The following CKAP5 variants were observed in gnomAD, a reference collection of about 807,000 sequenced individuals.
CKAP5 encodes cytoskeleton associated protein 5.
A neutral mutation model predicts 232.8 loss-of-function variants in CKAP5; 27 were observed. That is an observed-to-expected ratio of 0.12 (90% CI 0.09 to 0.16). The LOEUF is 0.16. Ranked by LOEUF, CKAP5 falls within the 10% of genes least tolerant of loss-of-function variation. CKAP5 has a pLI of 1.00. For synonymous variants in CKAP5, 785 were observed against 841.1 expected, an observed-to-expected ratio of 0.93 and a Z score of 1.16; for missense variants, 1,838 against 2,424.7, an observed-to-expected ratio of 0.76 and a Z score of 5.08.
At chr11:46,784,442 G>GA in intron 17 of CKAP5, 46 bp downstream of exon 17, 1 of 1,477,822 alleles carries the variant, frequency 6.8e-7, no homozygotes, top group Non-Finnish European at 9.2e-7. Flanking sequence ...AAGTTTGGGG[G>GA]AAAAAATTGG....
At chr11:46,842,551 G>A (rs1940079620) in intron 1 of CKAP5, among the ~76,000 whole-genome samples, 2 of 152,196 alleles carry the variant, frequency 1.3e-5, no homozygotes, top group African/African-American at 4.8e-5. Context: ...CTTATCAAAT[G>A]TGCTGTCTCA....
Position 46,750,599 on chromosome 11 carries a change from A to G in CKAP5, c.5473T>C (p.Ser1825Pro). ...KGASRIDEKS[S>P]KAKVNDFLAE... is the part of the protein sequence containing the mutation. Reference sequence around the variant, plus strand: ...AAGAAATCATTCACTTTGGCCTTTGATGATTTTTCATCCTGAAAAGTTGAA... The same window carrying G: ...AAGAAATCATTCACTTTGGCCTTTGGTGATTTTTCATCCTGAAAAGTTGAA... The change falls in exon 41 of 44, where the codon TCA becomes CCA. Residue 1825 changes from serine (S) to proline (P), a missense_variant. Ser to Pro is a moderately conservative substitution (Grantham distance 74). This residue lies in a region of CKAP5 where 579 missense variants were observed against 843.2 expected (regional missense o/e 0.69). Transcript: ENST00000529230. 1 of 1,612,822 alleles carries G rather than the reference A, an allele frequency of 6.2e-7. No homozygotes were observed. Among genetic ancestry groups the G allele is most frequent in the Non-Finnish European group, 8.5e-7 (1 of 1,179,394 alleles).
At chr11:46,775,265 A>T (rs1406355998) in intron 24 of CKAP5, among the ~76,000 whole-genome samples, 1 of 152,232 alleles carries the variant, frequency 6.6e-6, no homozygotes, top group East Asian at 1.9e-4. Flanking sequence ...GAGAAATGCA[A>T]ATCAAAACAC....
intron 28 of CKAP5, among the ~76,000 whole-genome samples, chr11:46,764,882 A>T (rs201596491): frequency 3.4e-3 from 1 of 298 alleles, no homozygotes; most frequent in Non-Finnish European, 9.6e-3. Context: ...TTAAAAAAAA[A>T]AATCAATGAA....
intron 8 of CKAP5, among the ~76,000 whole-genome samples, chr11:46,806,352 T>G (rs1235284317): frequency 1.3e-5 from 2 of 152,226 alleles, no homozygotes; most frequent in East Asian, 3.8e-4. Context: ...AGAAAAGGTT[T>G]TCTTTGACAC....
chr11:46,838,238 A>G (rs1200668895), intron 1 of CKAP5, among the ~76,000 whole-genome samples: 1 of 152,192 alleles, frequency 6.6e-6, no homozygotes, highest in Non-Finnish European at 1.5e-5. Flanking sequence ...AATTTTTTTA[A>G]AAAATTCAGA....
intron 5 of CKAP5, among the ~76,000 whole-genome samples, chr11:46,810,132 C>T (rs987667093): frequency 4.0e-5 from 6 of 151,868 alleles, no homozygotes; most frequent in East Asian, 1.9e-4. Context: ...CTACCACATC[C>T]GGCTAATTTT....
chr11:46,765,206 T>C lies in CKAP5; in HGVS notation c.3462A>G (p.Glu1154=), dbSNP rs757777415. The change falls in exon 28 of 44, where the codon GAA becomes GAG. Residue 1154 remains glutamate (E), a synonymous_variant. Coordinates refer to ENST00000529230, the MANE Select transcript of CKAP5 (RefSeq NM_001008938.4). ...MPSKTSLKED[E]DKSGPIFIVV... is the part of the protein sequence containing the mutation. ...CAATAAAAATAGGCCCGGATTTGTC[T>C]TCATCCTCCTTTAAGCTGGTTTTGC... The C allele has an allele frequency of 3.7e-6, 6 of 1,613,242 alleles. No homozygotes were observed. The Admixed American group carries it at 1.0e-4, about 27-fold the overall frequency.
rs770998286 is a variant in CKAP5, at chr11:46,763,589, A to C, written c.3579T>G (p.Ile1193Met). 3 of 1,594,926 alleles carry C rather than the reference A, an allele frequency of 1.9e-6. No homozygotes were observed. Among genetic ancestry groups the C allele is most frequent in the Non-Finnish European group, 2.6e-6 (3 of 1,171,528 alleles). Residue 1193 changes from isoleucine to methionine, a missense_variant, in exon 29 of 44, where the codon ATT becomes ATG. Ile to Met is a conservative substitution (Grantham distance 10). Coordinates refer to ENST00000529230, the MANE Select transcript of CKAP5 (RefSeq NM_001008938.4). ...TAGACATTTGAGTCTTTAGTTGCTC[A>C]ATGTATTCATCCCGTGGGGTAGTAA... ...WNFTTPRDEYIEQLKTQMSSC... is the reference protein window; with the variant it reads ...WNFTTPRDEYMEQLKTQMSSC...
chr11:46,768,906 T>G (rs1397199038), intron 26 of CKAP5, among the ~76,000 whole-genome samples: 1 of 151,872 alleles, frequency 6.6e-6, no homozygotes, highest in Non-Finnish European at 1.5e-5. Flanking sequence ...TTATATATTA[T>G]CAAATTTTAT....
intron 1 of CKAP5, among the ~76,000 whole-genome samples, chr11:46,842,531 T>C (rs1169217751): frequency 6.6e-6 from 1 of 152,168 alleles, no homozygotes; most frequent in Non-Finnish European, 1.5e-5. Context: ...CAAAAGACAG[T>C]TCGAGAAGCC....
intron 1 of CKAP5, among the ~76,000 whole-genome samples, chr11:46,834,897 C>T (rs1320157888): frequency 6.6e-6 from 1 of 152,060 alleles, no homozygotes; most frequent in African/African-American, 2.4e-5. Flanking sequence ...CCTCCACCTC[C>T]CAGGCCCAAG....
At chr11:46,813,931 A>T (rs1484239411) in intron 4 of CKAP5, among the ~76,000 whole-genome samples, 1 of 151,878 alleles carries the variant, frequency 6.6e-6, no homozygotes, top group Non-Finnish European at 1.5e-5. Context: ...CAGGAGTTCC[A>T]GACCAGCCTG....
In CKAP5 at chr11:46,743,307, CAAGG is replaced by C. The variant is rs1175647484; in HGVS notation, c.*712_*715del. 6.6e-6 allele frequency: 1 copy of C among 152,074 alleles called. No homozygotes were observed. The highest frequency in any genetic ancestry group is 2.4e-5 in the African/African-American group (1 of 41,400). 9.4% of individuals were successfully genotyped at this position (152,074 alleles called of 1,614,324 possible). On this transcript the variant is annotated 3_prime_UTR_variant, in exon 44 of 44. Coordinates refer to ENST00000529230, the MANE Select transcript of CKAP5 (RefSeq NM_001008938.4). ...GGAAATCATGACCAAAATCTCAAAA[CAAGG>C]AAGGATGAGATTTTTCTGCTCCCTA...
intron 20 of CKAP5, among the ~76,000 whole-genome samples, chr11:46,779,439 A>T (rs1485395430): frequency 6.6e-6 from 1 of 151,956 alleles, no homozygotes; most frequent in Non-Finnish European, 1.5e-5. Context: ...GGCCAAAATC[A>T]TCAATTTCTT....
intron 9 of CKAP5, among the ~76,000 whole-genome samples, chr11:46,800,608 T>C (rs1163904921): frequency 6.8e-6 from 1 of 147,388 alleles, no homozygotes; most frequent in Non-Finnish European, 1.5e-5. Flanking sequence ...CAAATTTGAT[T>C]GGAAACAAAC....
intron 24 of CKAP5, 26 bp downstream of exon 24, chr11:46,776,229 G>T: frequency 6.2e-7 from 1 of 1,607,760 alleles, no homozygotes; most frequent in Non-Finnish European, 8.5e-7. Context: ...CATGAGTAAT[G>T]CACATGATTA....
Position 46,816,363 on chromosome 11 carries a change from A to C in CKAP5, c.293T>G (p.Phe98Cys). Residue 98 changes from phenylalanine (F) to cysteine (C), a missense_variant, in exon 4 of 44, where the codon TTC (phenylalanine) becomes TGC (cysteine). Physicochemically the swap from Phe to Cys is radical, Grantham distance 205 (BLOSUM62 -2). Transcript: ENST00000529230. ...CTTGGCTTTAGCTTTAGGTTGATTG[A>C]ACACCTTACTTACAACACCTGACAC... ...EVVSGVVSKV[F>C]NQPKAKAKEL... is the part of the protein sequence containing the mutation. The C allele has an allele frequency of 6.2e-7, 1 of 1,614,012 alleles. No homozygotes were observed. The highest frequency in any genetic ancestry group is 8.5e-7 in the Non-Finnish European group (1 of 1,180,006).
At chr11:46,827,496 G>A (rs570643274) in intron 1 of CKAP5, among the ~76,000 whole-genome samples, 3 of 152,244 alleles carry the variant, frequency 2.0e-5, no homozygotes, top group East Asian at 1.9e-4. Flanking sequence ...GGGCATGGTG[G>A]TACAAGACTA....
Sources: gnomAD v4.1 joint callset for allele counts (sites outside exome capture counted in the v4.1 genomes callset) on GRCh38, gnomAD v4.1.1 for gene constraint, gnomAD v4.1.1 regional missense constraint, MANE v1.5 for transcripts, NCBI Gene and HGNC (gene_info 2026-07-23, HGNC 2026-07-21) for gene names.